The following TMEM178B variants were observed in gnomAD, a reference collection of about 807,000 sequenced individuals.
TMEM178B encodes transmembrane protein 178B.
A neutral mutation model predicts 31.0 loss-of-function variants in TMEM178B; 5 were observed. That is an observed-to-expected ratio of 0.16 (90% CI 0.08 to 0.34). The LOEUF (loss-of-function observed/expected upper bound fraction) is 0.34, where lower values mean the gene tolerates loss of function less well. Ranked by LOEUF, TMEM178B falls within the 10% of genes least tolerant of loss-of-function variation. The pLI is 1.00. For missense variants in TMEM178B, 275 were observed against 400.3 expected, an observed-to-expected ratio of 0.69 and a Z score of 2.67; for synonymous variants, 164 against 164.0, an observed-to-expected ratio of 1.00 and a Z score of 0.00.
At position 141,117,819 on chromosome 7, in the gene TMEM178B, T is replaced by TCAA. The variant is rs1795343771; in HGVS notation, c.382+43127_382+43128insCAA. ...AGGTTTGTCAAAGATCAGATGGTTG[T>TCAA]AGATGTGTGGCGTTTTTTCTGAGGC... On this transcript the variant is annotated intron_variant, in intron 1 of 3. Transcript: ENST00000565468. 2.0e-5 allele frequency among the ~76,000 whole-genome samples: 3 copies of TCAA among 152,308 alleles called. No homozygotes were observed. The South Asian group carries it at 6.2e-4, about 32-fold the overall frequency.
At chr7:141,256,406 G>T (rs1414479667) in intron 2 of TMEM178B, among the ~76,000 whole-genome samples, 1 of 152,184 alleles carries the variant, frequency 6.6e-6, no homozygotes, top group Non-Finnish European at 1.5e-5. Flanking sequence ...CTTACAGGTG[G>T]TGCCAAGAGC....
At chr7:141,225,227 C>T (rs1016282384) in intron 2 of TMEM178B, among the ~76,000 whole-genome samples, 3 of 152,168 alleles carry the variant, frequency 2.0e-5, no homozygotes, top group African/African-American at 7.2e-5. Context: ...TCTCGTGCGG[C>T]AGGCCTACTG....
intron 2 of TMEM178B, among the ~76,000 whole-genome samples, chr7:141,333,024 GT>G (rs1218863029): frequency 1.3e-5 from 2 of 152,158 alleles, no homozygotes; most frequent in African/African-American, 4.8e-5. Flanking sequence ...AAATTTTCAA[GT>G]TTATCATTAT....
At chr7:141,366,025 T>C (rs1009798056) in intron 2 of TMEM178B, among the ~76,000 whole-genome samples, 1 of 152,188 alleles carries the variant, frequency 6.6e-6, no homozygotes, top group Non-Finnish European at 1.5e-5. Context: ...TCAAATGCAA[T>C]AATGTTGGGA....
chr7:141,324,768 G>A (rs1479022756), intron 2 of TMEM178B, among the ~76,000 whole-genome samples: 2 of 151,980 alleles, frequency 1.3e-5, no homozygotes, highest in Non-Finnish European at 2.9e-5. Flanking sequence ...GCACACATTT[G>A]TTTTAGCCAT....
intron 1 of TMEM178B, among the ~76,000 whole-genome samples, chr7:141,184,875 G>A (rs1224583476): frequency 1.3e-5 from 2 of 152,214 alleles, no homozygotes; most frequent in African/African-American, 4.8e-5. Flanking sequence ...CCCAGAGAGA[G>A]GAAAACACAG....
Position 141,344,958 on chromosome 7 carries a change from T to A in TMEM178B, c.497-92650T>A, listed in dbSNP as rs1799593843. ...CTACCCATTATTTAATTACTAAGCA[T>A]GAGTTAATAGCTAACAAGATGTAGT... is the stretch of plus-strand genomic sequence containing the variant. On this transcript the variant is annotated intron_variant, in intron 2 of 3. Transcript: ENST00000565468. This position sits in a 1 kb window ranked among gnomAD's most constrained non-coding sequence, Gnocchi z 4.1. Among the ~76,000 whole-genome samples, 1 of 152,166 alleles carries A rather than the reference T, an allele frequency of 6.6e-6. No individual in the cohort carries two copies. The highest frequency in any genetic ancestry group is 2.4e-5 in the African/African-American group (1 of 41,428).
chr7:141,290,582 T>C (rs1204901456), intron 2 of TMEM178B, among the ~76,000 whole-genome samples: 1 of 152,132 alleles, frequency 6.6e-6, no homozygotes, highest in Non-Finnish European at 1.5e-5. Context: ...CACACGTGCA[T>C]GCACATGTAA....
intron 1 of TMEM178B, among the ~76,000 whole-genome samples, chr7:141,163,161 G>A (rs59749560): frequency 0.16 from 23,635 of 152,214 alleles, 2,438 homozygotes; most frequent in East Asian, 0.33. Flanking sequence ...GTTGATGAGA[G>A]CCTGCCTGAG....
At chr7:141,407,799 A>G (rs1800911230) in intron 2 of TMEM178B, among the ~76,000 whole-genome samples, 1 of 152,206 alleles carries the variant, frequency 6.6e-6, no homozygotes, top group Admixed American at 6.5e-5. Flanking sequence ...TGTTGAAATG[A>G]AATTTTATCT....
In TMEM178B at chr7:141,242,442, G is replaced by T. The variant is rs185950205; in HGVS notation, c.496+29738G>T. Among the ~76,000 whole-genome samples, 456 of 151,250 alleles carry T rather than the reference G, an allele frequency of 3.0e-3. 7 individuals carry two copies. Among genetic ancestry groups the T allele is most frequent in the African/African-American group, 0.011 (439 of 41,164 alleles). On this transcript the variant is annotated intron_variant, in intron 2 of 3. Coordinates refer to ENST00000565468, the MANE Select transcript of TMEM178B (RefSeq NM_001195278.2). ...AGAACTGCATAGTGATTTCCTCATG[G>T]TATTCGCTCTGTGGCTATTTTCACA...
intron 3 of TMEM178B, among the ~76,000 whole-genome samples, chr7:141,457,707 C>G (rs1462219858): frequency 6.6e-6 from 1 of 152,212 alleles, no homozygotes; most frequent in Non-Finnish European, 1.5e-5. Flanking sequence ...CTCTGTAGCA[C>G]TTACAAAAGG....
chr7:141,262,229 G>T (rs1798024139), intron 2 of TMEM178B, among the ~76,000 whole-genome samples: 1 of 152,244 alleles, frequency 6.6e-6, no homozygotes, highest in Non-Finnish European at 1.5e-5. Context: ...GGCTCAGCAA[G>T]TGTCCACTTT....
At position 141,474,184 on chromosome 7, in the gene TMEM178B, A is replaced by G. The variant is rs1802313448; in HGVS notation, c.*3398A>G. On this transcript the variant is annotated 3_prime_UTR_variant, in exon 4 of 4. Transcript: ENST00000565468. ...CAACTTTTATTTCCTTCCCTACTCT[A>G]CTACCTTGAGATTCAGGAAAGTGAG... is the stretch of plus-strand genomic sequence containing the variant. The G allele has an allele frequency of 6.6e-6, 1 of 152,076 alleles. No homozygotes were observed. Among genetic ancestry groups the G allele is most frequent in the African/African-American group, 2.4e-5 (1 of 41,390 alleles). The allele number at this position is 152,076 out of a possible 1,614,324, so 9.4% of individuals were successfully genotyped here. A position where few individuals can be genotyped will look rare whatever the true frequency, so the allele number is the denominator to read the frequency against.
intron 1 of TMEM178B, among the ~76,000 whole-genome samples, chr7:141,140,246 A>C (rs1459315301): frequency 6.6e-6 from 1 of 152,170 alleles, no homozygotes; most frequent in Non-Finnish European, 1.5e-5. Context: ...CTTTGCATGA[A>C]CTGTTTCCGA....
intron 2 of TMEM178B, among the ~76,000 whole-genome samples, chr7:141,279,056 G>A (rs1411377462): frequency 6.6e-6 from 1 of 152,146 alleles, no homozygotes; most frequent in Non-Finnish European, 1.5e-5. Flanking sequence ...TCTGATCAAG[G>A]TAAGATTCTG....
At chr7:141,370,888 G>T (rs552321667) in intron 2 of TMEM178B, among the ~76,000 whole-genome samples, 1 of 152,338 alleles carries the variant, frequency 6.6e-6, no homozygotes, top group South Asian at 2.1e-4. Flanking sequence ...TCAGAAGCCC[G>T]ATGTTGTCTG....
At chr7:141,469,535 C>T (rs1447471315) in intron 3 of TMEM178B, among the ~76,000 whole-genome samples, 1 of 152,146 alleles carries the variant, frequency 6.6e-6, no homozygotes, top group Non-Finnish European at 1.5e-5. Flanking sequence ...TGTTCCTTCC[C>T]TATAAAAGTG....
At chr7:141,374,354 ATACT>A (rs1800172821) in intron 2 of TMEM178B, among the ~76,000 whole-genome samples, 1 of 152,146 alleles carries the variant, frequency 6.6e-6, no homozygotes, top group Non-Finnish European at 1.5e-5. Flanking sequence ...CTTTAAAACA[ATACT>A]TATTTAGGCA....
Sources: gnomAD v4.1 joint callset for allele counts (sites outside exome capture counted in the v4.1 genomes callset) on GRCh38, gnomAD v4.1.1 for gene constraint, Gnocchi (gnomAD v3.1) non-coding constraint, MANE v1.5 for transcripts, NCBI Gene and HGNC (gene_info 2026-07-23, HGNC 2026-07-21) for gene names.